The following ZBTB20 variants were observed in gnomAD, a reference collection of about 807,000 sequenced individuals.
ZBTB20 encodes the protein zinc finger and BTB domain-containing protein 20.
Under a neutral mutation model 56.9 loss-of-function variants are expected in ZBTB20, and 9 were observed. The observed-to-expected ratio is 0.16, with a 90% CI of 0.10 to 0.28. The LOEUF is 0.28. Among genes scored for constraint, ZBTB20 ranks in the 10% least tolerant of loss-of-function variants. ZBTB20 has a pLI of 1.00. For missense variants in ZBTB20, 655 were observed against 1,003.0 expected (o/e 0.65, Z 4.69); for synonymous variants, 417 against 420.7 (o/e 0.99, Z 0.11).
At chr3:115,123,240 G>C (rs2084233122) in intron 1 of ZBTB20, among the ~76,000 whole-genome samples, 2 of 151,868 alleles carry the variant, frequency 1.3e-5, no homozygotes, top group East Asian at 1.9e-4. Flanking sequence ...ATTTTTGTGG[G>C]CACCTATTTT....
intron 5 of ZBTB20, among the ~76,000 whole-genome samples, chr3:114,715,031 G>C (rs1175038749): frequency 6.6e-6 from 1 of 152,020 alleles, no homozygotes; most frequent in East Asian, 1.9e-4. Flanking sequence ...CTAAATTCTA[G>C]CAATTGGATC....
chr3:114,504,277 G>A (rs556418966), intron 6 of ZBTB20, among the ~76,000 whole-genome samples: 2 of 152,024 alleles, frequency 1.3e-5, no homozygotes, highest in Admixed American at 1.3e-4. Context: ...GAGGAGTACC[G>A]AGCAGAGAGA....
intron 5 of ZBTB20, among the ~76,000 whole-genome samples, chr3:114,708,718 T>C (rs1578452742): frequency 6.6e-6 from 1 of 152,238 alleles, no homozygotes; most frequent in Middle Eastern, 3.4e-3. Context: ...TACAGGAAAA[T>C]ATATTGTTTA....
At chr3:114,937,817 G>A (rs1297582007) in intron 3 of ZBTB20, among the ~76,000 whole-genome samples, 1 of 152,048 alleles carries the variant, frequency 6.6e-6, no homozygotes, top group Admixed American at 6.6e-5. Flanking sequence ...TAAGTTCCTG[G>A]CCGGGCACGG....
At chr3:114,807,433 C>G (rs114057427) in intron 4 of ZBTB20, among the ~76,000 whole-genome samples, 1 of 151,862 alleles carries the variant, frequency 6.6e-6, no homozygotes, top group African/African-American at 2.4e-5. Context: ...TCCCCTCCCC[C>G]TCCCCTGCAG....
chr3:114,410,218 A>C (rs1576634469), intron 7 of ZBTB20, among the ~76,000 whole-genome samples: 2 of 150,598 alleles, frequency 1.3e-5, no homozygotes, highest in Non-Finnish European at 3.0e-5. Flanking sequence ...AAGTCAACCC[A>C]CTTTTTTTTT....
chr3:115,012,430 G>A (rs964225549), intron 2 of ZBTB20, among the ~76,000 whole-genome samples: 2 of 151,648 alleles, frequency 1.3e-5, no homozygotes, highest in Non-Finnish European at 3.0e-5. Context: ...ACTTAGACCA[G>A]GCAAAATAGA....
In ZBTB20 at chr3:114,328,366, T is replaced by C. The variant is rs2079127374; in HGVS notation, c.*10639A>G. On this transcript the variant is annotated 3_prime_UTR_variant, in exon 12 of 12. Transcript: ENST00000675478. ...TATCAAAATTATTTTGAAATGTTAC[T>C]CTTTTCTTTAGATTCCTATAATCTA... is the stretch of plus-strand genomic sequence containing the variant. 6.6e-6 allele frequency: 1 copy of C among 152,166 alleles called. No individual in the cohort carries two copies. The highest frequency in any genetic ancestry group is 2.4e-5 in the African/African-American group (1 of 41,444). The allele number at this position is 152,166 out of a possible 1,614,324, so 9.4% of individuals were successfully genotyped here. A position where few individuals can be genotyped will look rare whatever the true frequency, so the allele number is the denominator to read the frequency against.
At chr3:114,781,298 G>A (rs2070078443) in intron 5 of ZBTB20, among the ~76,000 whole-genome samples, 1 of 152,090 alleles carries the variant, frequency 6.6e-6, no homozygotes. Context: ...TGTGAGGATG[G>A]AATGCCATAA....
intron 2 of ZBTB20, among the ~76,000 whole-genome samples, chr3:115,016,446 G>A (rs1189204149): frequency 6.6e-6 from 1 of 151,928 alleles, no homozygotes; most frequent in Non-Finnish European, 1.5e-5. Context: ...ATAGTTTGGG[G>A]TTTTACATTT....
chr3:115,123,284 C>G (rs941891772), intron 1 of ZBTB20, among the ~76,000 whole-genome samples: 1 of 152,090 alleles, frequency 6.6e-6, no homozygotes, highest in Non-Finnish European at 1.5e-5. Flanking sequence ...TTCCCTATAC[C>G]ATTTTCCCTT....
chr3:114,397,067 C>T (rs1407763304), intron 7 of ZBTB20, among the ~76,000 whole-genome samples: 3 of 152,148 alleles, frequency 2.0e-5, no homozygotes, highest in African/African-American at 7.2e-5. Context: ...CATGATCAAC[C>T]ATTTCAACAC....
intron 2 of ZBTB20, among the ~76,000 whole-genome samples, chr3:115,043,052 C>T (rs1304446426): frequency 1.3e-5 from 2 of 152,230 alleles, no homozygotes; most frequent in African/African-American, 4.8e-5. Flanking sequence ...TAATTTCTGG[C>T]CTTTCCAGTT....
intron 2 of ZBTB20, among the ~76,000 whole-genome samples, chr3:115,028,329 C>T (rs1320003422): frequency 6.6e-6 from 1 of 150,782 alleles, no homozygotes; most frequent in Non-Finnish European, 1.5e-5. Flanking sequence ...TGTTACTTCA[C>T]TCCATTGAAT....
chr3:114,601,798 C>T (rs993990590), intron 6 of ZBTB20, among the ~76,000 whole-genome samples: 1 of 151,816 alleles, frequency 6.6e-6, no homozygotes, highest in Non-Finnish European at 1.5e-5. Context: ...GGTCATCACA[C>T]GTTGGGAAAA....
At chr3:114,844,548 A>AAAAAAC (rs2074585111) in intron 4 of ZBTB20, among the ~76,000 whole-genome samples, 1 of 141,264 alleles carries the variant, frequency 7.1e-6, no homozygotes, top group Non-Finnish European at 1.5e-5. Flanking sequence ...AAAAAAAAAA[A>AAAAAAC]AAAACTTTCA....
rs1414006533 is a variant in ZBTB20, at chr3:114,333,658, C to A, written c.*5347G>T. The A allele has an allele frequency of 6.6e-6, 1 of 152,078 alleles. No individual in the cohort carries two copies. The highest frequency in any genetic ancestry group is 1.5e-5 in the Non-Finnish European group (1 of 68,000). 9.4% of individuals were successfully genotyped at this position (152,078 alleles called of 1,614,324 possible). A position where few individuals can be genotyped will look rare whatever the true frequency, so the allele number is the denominator to read the frequency against. The stretch of plus-strand genomic sequence containing the variant: ...AGTCACATGGTTCTGTCTTCAGTAT[C>A]CTATTTTTCTTTTTTTTTAATTTCT... On this transcript the variant is annotated 3_prime_UTR_variant, in exon 12 of 12. Coordinates refer to ENST00000675478, the MANE Select transcript of ZBTB20 (RefSeq NM_001348800.3).
At chr3:115,126,003 A>C (rs1376321118) in intron 1 of ZBTB20, among the ~76,000 whole-genome samples, 1 of 152,200 alleles carries the variant, frequency 6.6e-6, no homozygotes, top group African/African-American at 2.4e-5. Context: ...CAAACAATAG[A>C]AAAAGAATCA....
intron 2 of ZBTB20, among the ~76,000 whole-genome samples, chr3:115,049,781 G>A (rs1424310258): frequency 6.6e-6 from 1 of 152,094 alleles, no homozygotes; most frequent in Non-Finnish European, 1.5e-5. Context: ...AAACAACAAA[G>A]TAGTATTTAG....
Sources: allele counts gnomAD v4.1 joint callset (sites outside exome capture counted in the v4.1 genomes callset), GRCh38; gene constraint gnomAD v4.1.1; transcripts MANE v1.5; gene names NCBI Gene and HGNC (gene_info 2026-07-23, HGNC 2026-07-21).